The following SYNPO2 variants were observed in gnomAD, a reference collection of about 807,000 sequenced individuals.
The protein encoded by SYNPO2 is synaptopodin 2.
A neutral mutation model predicts 85.0 loss-of-function variants in SYNPO2; 56 were observed. The ratio of observed to expected loss-of-function variants is 0.66; its 90% CI spans 0.53 to 0.82. The LOEUF (loss-of-function observed/expected upper bound fraction) is 0.82, where lower values mean the gene tolerates loss of function less well. SYNPO2 is among the 40% of genes least tolerant of loss of function. SYNPO2 has a pLI of 0.00. For missense variants in SYNPO2, 1,575 were observed against 1,534.2 expected (o/e 1.03, Z -0.44); for synonymous variants, 602 against 591.1 (o/e 1.02, Z -0.27).
intron 1 of SYNPO2, among the ~76,000 whole-genome samples, chr4:118,870,617 T>C (rs1013628737): frequency 3.9e-5 from 6 of 152,234 alleles, no homozygotes; most frequent in Admixed American, 3.3e-4. Context: ...TGCCACACTT[T>C]CTTCCACAAT....
intron 1 of SYNPO2, among the ~76,000 whole-genome samples, chr4:118,860,218 T>G (rs1365956502): frequency 6.6e-6 from 1 of 152,164 alleles, no homozygotes; most frequent in Non-Finnish European, 1.5e-5. Context: ...AAATGTCTAT[T>G]CATATCTTTT....
chr4:118,906,625 T>G, intron 1 of SYNPO2, among the ~76,000 whole-genome samples: 1 of 152,174 alleles, frequency 6.6e-6, no homozygotes, highest in Admixed American at 6.6e-5. Context: ...GGATAATTAT[T>G]TATACAGTAT....
chr4:119,019,194 TG>T (rs1737627986), intron 1 of SYNPO2, among the ~76,000 whole-genome samples: 1 of 152,186 alleles, frequency 6.6e-6, no homozygotes, highest in African/African-American at 2.4e-5. Flanking sequence ...AACCTTCACA[TG>T]TACCCCTAAA....
chr4:118,896,257 T>C (rs1578527351), intron 1 of SYNPO2, among the ~76,000 whole-genome samples: 2 of 152,342 alleles, frequency 1.3e-5, no homozygotes, highest in Middle Eastern at 6.8e-3. Context: ...AACTATTCTT[T>C]TTTTTAATGG....
chr4:118,983,994 G>A (rs1736127679), intron 1 of SYNPO2, among the ~76,000 whole-genome samples: 1 of 152,168 alleles, frequency 6.6e-6, no homozygotes, highest in Non-Finnish European at 1.5e-5. Flanking sequence ...GACTGGACAT[G>A]GGGAGCAGAG....
chr4:118,929,941 A>C (rs1162326242), intron 1 of SYNPO2, among the ~76,000 whole-genome samples: 1 of 152,150 alleles, frequency 6.6e-6, no homozygotes, highest in Non-Finnish European at 1.5e-5. Context: ...GTAAATAGAA[A>C]CTACATCTTC....
chr4:119,024,703 T>C (rs1236057882), intron 2 of SYNPO2, among the ~76,000 whole-genome samples: 1 of 152,060 alleles, frequency 6.6e-6, no homozygotes, highest in Admixed American at 6.5e-5. Flanking sequence ...AATTACAAAG[T>C]AAGTAACTAA....
At chr4:118,940,107 T>A (rs938089337) in intron 1 of SYNPO2, among the ~76,000 whole-genome samples, 2 of 150,670 alleles carry the variant, frequency 1.3e-5, no homozygotes, top group Non-Finnish European at 3.0e-5. Context: ...TGCCTCAACC[T>A]CTCGAGTAGC....
chr4:118,952,978 C>A (rs1734748672), intron 1 of SYNPO2, among the ~76,000 whole-genome samples: 1 of 152,066 alleles, frequency 6.6e-6, no homozygotes, highest in African/African-American at 2.4e-5. Flanking sequence ...AGGATTCTAA[C>A]CCTGAATCCT....
intron 1 of SYNPO2, among the ~76,000 whole-genome samples, chr4:118,908,587 T>G (rs1733021841): frequency 6.6e-6 from 1 of 152,176 alleles, no homozygotes; most frequent in Non-Finnish European, 1.5e-5. Flanking sequence ...TTAGGAAGTC[T>G]GGGTTTGCAG....
intron 1 of SYNPO2, among the ~76,000 whole-genome samples, chr4:118,973,715 C>T (rs762973109): frequency 6.6e-6 from 1 of 152,136 alleles, no homozygotes; most frequent in Non-Finnish European, 1.5e-5. Flanking sequence ...CATAAATAGC[C>T]ACATTTTTTT....
At chr4:119,032,260 A>G in intron 4 of SYNPO2, 2 of 1,412,526 alleles carry the variant, frequency 1.4e-6, no homozygotes, top group Non-Finnish European at 1.8e-6. Flanking sequence ...TCTTCTTTGC[A>G]CACTTAAAAA....
upstream of SYNPO2, among the ~76,000 whole-genome samples, chr4:118,885,378 G>A (rs969836270): frequency 2.0e-5 from 3 of 152,046 alleles, no homozygotes; most frequent in African/African-American, 4.8e-5. Context: ...GGAGACTGTT[G>A]AAGTCCAGGT....
At chr4:118,851,432 A>G (rs1170966382) in intron 1 of SYNPO2, among the ~76,000 whole-genome samples, 1 of 152,148 alleles carries the variant, frequency 6.6e-6, no homozygotes, top group African/African-American at 2.4e-5. Context: ...GGTTGCGGTG[A>G]GCCGAGATTG....
chr4:119,039,017 T>A (rs777109796), intron 4 of SYNPO2, among the ~76,000 whole-genome samples: 4 of 152,166 alleles, frequency 2.6e-5, no homozygotes, highest in African/African-American at 4.8e-5. Flanking sequence ...AAAAAGAAGA[T>A]GTGAGCTTCT....
intron 1 of SYNPO2, among the ~76,000 whole-genome samples, chr4:118,909,429 T>A (rs1240988418): frequency 6.6e-6 from 1 of 152,142 alleles, no homozygotes; most frequent in East Asian, 1.9e-4. Context: ...GATATGAAGA[T>A]GCCTGTTCCC....
At chr4:118,920,138 G>A (rs1733485920) in intron 1 of SYNPO2, among the ~76,000 whole-genome samples, 1 of 152,200 alleles carries the variant, frequency 6.6e-6, no homozygotes, top group African/African-American at 2.4e-5. Flanking sequence ...TGGTTGAAGA[G>A]TTGTGGGAGG....
chr4:118,995,465 A>G (rs957908480), intron 1 of SYNPO2, among the ~76,000 whole-genome samples: 1 of 152,206 alleles, frequency 6.6e-6, no homozygotes, highest in Non-Finnish European at 1.5e-5. Flanking sequence ...AGATAGGCAT[A>G]TTATTTCCAA....
chr4:118,907,610 A>G (rs11726903), intron 1 of SYNPO2, among the ~76,000 whole-genome samples: 88,253 of 152,044 alleles, frequency 0.58, 27,481 homozygotes, highest in East Asian at 0.8. Context: ...CACTGTTTCA[A>G]TCAAATCATG....
Sources: gnomAD v4.1 joint callset for allele counts (sites outside exome capture counted in the v4.1 genomes callset) on GRCh38, gnomAD v4.1.1 for gene constraint, MANE v1.5 for transcripts, NCBI Gene and HGNC (gene_info 2026-07-23, HGNC 2026-07-21) for gene names.